The following C12orf42 variants were observed in gnomAD, a reference collection of about 807,000 sequenced individuals.
C12orf42 encodes uncharacterized protein C12orf42.
A neutral mutation model predicts 21.6 loss-of-function variants in C12orf42; 25 were observed. The observed-to-expected ratio is 1.16, with a 90% confidence interval of 0.84 to 1.62. The LOEUF (loss-of-function observed/expected upper bound fraction) is 1.62, where lower values mean the gene tolerates loss of function less well. C12orf42 is among the 40% of genes most tolerant of loss of function. The pLI is 0.00. For missense variants in C12orf42, 483 were observed against 459.3 expected (o/e 1.05, Z -0.47); for synonymous variants, 174 against 175.0 (o/e 0.99, Z 0.05).
chr12:103,231,648 T>C, the C12orf42 span, among the ~76,000 whole-genome samples: 1 of 152,214 alleles, frequency 6.6e-6, no homozygotes, highest in African/African-American at 2.4e-5. Flanking sequence ...AGCTCACATC[T>C]TTTTAGCACT....
chr12:103,424,031 A>T (rs1273221893), intron 2 of C12orf42, among the ~76,000 whole-genome samples: 1 of 152,232 alleles, frequency 6.6e-6, no homozygotes, highest in Non-Finnish European at 1.5e-5. Context: ...TGTGTATTGG[A>T]TGACATTTGG....
chr12:103,059,962 T>G, the C12orf42 span, among the ~76,000 whole-genome samples: 1 of 152,110 alleles, frequency 6.6e-6, no homozygotes, highest in Non-Finnish European at 1.5e-5. Flanking sequence ...TTCAACATAG[T>G]ATTGGAAGTT....
chr12:103,142,681 T>C, the C12orf42 span, among the ~76,000 whole-genome samples: 1 of 152,088 alleles, frequency 6.6e-6, no homozygotes, highest in African/African-American at 2.4e-5. Context: ...GAAAAGGAAA[T>C]GCAGGGGGAT....
At chr12:103,285,963 A>C (rs2036426834) in intron 4 of C12orf42, among the ~76,000 whole-genome samples, 1 of 152,156 alleles carries the variant, frequency 6.6e-6, no homozygotes, top group South Asian at 2.1e-4. Flanking sequence ...TAAATGAATG[A>C]GGCCGGGCGT....
chr12:103,099,254 G>T, the C12orf42 span, among the ~76,000 whole-genome samples: 4 of 152,158 alleles, frequency 2.6e-5, no homozygotes, highest in South Asian at 8.3e-4. Context: ...CAAACACATA[G>T]TTCACTTTTT....
chr12:103,077,878 C>T, the C12orf42 span, among the ~76,000 whole-genome samples: 4 of 152,148 alleles, frequency 2.6e-5, no homozygotes, highest in East Asian at 3.9e-4. Context: ...TAGTTGCCCT[C>T]ATTGGTGACA....
chr12:103,399,969 T>C (rs557347099), intron 3 of C12orf42, among the ~76,000 whole-genome samples: 1 of 152,268 alleles, frequency 6.6e-6, no homozygotes, highest in Non-Finnish European at 1.5e-5. Flanking sequence ...CCATGTATAA[T>C]ATATAATAAA....
chr12:103,275,281 C>A (rs901611794), intron 5 of C12orf42, among the ~76,000 whole-genome samples: 10 of 151,964 alleles, frequency 6.6e-5, no homozygotes, highest in African/African-American at 2.4e-4. Context: ...AAATTGTATA[C>A]AGATGTTTTT....
At chr12:103,256,155 CACACATATATAT>C (rs1285920082) in intron 10 of C12orf42, among the ~76,000 whole-genome samples, 7 of 120,694 alleles carry the variant, frequency 5.8e-5, no homozygotes, top group East Asian at 2.4e-4. Context: ...CGTATATATA[CACACATATATAT>C]ACACATATAT....
the C12orf42 span, among the ~76,000 whole-genome samples, chr12:103,185,170 A>G: frequency 6.6e-6 from 1 of 152,160 alleles, no homozygotes; most frequent in Non-Finnish European, 1.5e-5. Flanking sequence ...GAGGTTTTCT[A>G]TTGTAGACAT....
the C12orf42 span, among the ~76,000 whole-genome samples, chr12:103,161,166 G>A: frequency 1.3e-5 from 2 of 152,138 alleles, no homozygotes; most frequent in Non-Finnish European, 2.9e-5. Context: ...CTAAATCTTA[G>A]AGTTTCTCTT....
At chr12:103,286,253 AAAATAAATAAATAAATAAATAAAT>A (rs200130397) in intron 4 of C12orf42, among the ~76,000 whole-genome samples, 1 of 146,010 alleles carries the variant, frequency 6.8e-6, no homozygotes, top group East Asian at 2.0e-4. Flanking sequence ...TCCATCTCAA[AAAATAAATAAATAAATAAATAAAT>A]AAATAAATAA....
chr12:103,508,286 A>T, the C12orf42 span, among the ~76,000 whole-genome samples: 1 of 152,220 alleles, frequency 6.6e-6, no homozygotes, highest in Non-Finnish European at 1.5e-5. Context: ...CGATCAGCAA[A>T]ATTTAATAAA....
At chr12:103,424,645 T>C (rs543928370) in intron 2 of C12orf42, among the ~76,000 whole-genome samples, 2 of 152,336 alleles carry the variant, frequency 1.3e-5, no homozygotes, top group Admixed American at 1.3e-4. Context: ...TTCCGGATAC[T>C]ATGCTTTTCC....
At chr12:103,247,053 A>T (rs1442366795) in intron 10 of C12orf42, among the ~76,000 whole-genome samples, 1 of 152,044 alleles carries the variant, frequency 6.6e-6, no homozygotes, top group African/African-American at 2.4e-5. Context: ...TAAGAAATGA[A>T]AAAGTTTCAT....
intron 4 of C12orf42, among the ~76,000 whole-genome samples, chr12:103,360,113 T>C (rs1011733627): frequency 1.3e-5 from 2 of 149,620 alleles, no homozygotes; most frequent in Admixed American, 6.6e-5. Context: ...CTGCTAGATA[T>C]GATCAAATTA....
chr12:103,479,625 G>A lies in C12orf42; in HGVS notation c.-21-1178C>T, dbSNP rs576934793. Among the ~76,000 whole-genome samples the A allele has an allele frequency of 1.4e-4, 21 of 152,076 alleles. No homozygotes were observed. The South Asian group carries it at 4.4e-3, about 32-fold the overall frequency. On this transcript the variant is annotated intron_variant, in intron 1 of 5. Transcript: ENST00000548883. ...TAAATTTTTCTTCTATTCCTAGTTT[G>A]TAGAAGTTTTTGGTTTTAAATTAGA... is the stretch of plus-strand genomic sequence containing the variant.
rs560765117 is a variant in C12orf42, at chr12:103,312,659, TG to T, written c.260-6315del. Among the ~76,000 whole-genome samples, 184 of 152,304 alleles carry T rather than the reference TG, an allele frequency of 1.2e-3. 1 individual carries two copies. Among genetic ancestry groups the T allele is most frequent in the African/African-American group, 4.3e-3 (179 of 41,556 alleles). ...CTTGGGGCTTTTTTGGTGTTTTGGT[TG>T]TTAAAAAAATTCTCCCAAATATTCA... On this transcript the variant is annotated intron_variant, in intron 4 of 5. Coordinates refer to ENST00000548883, the MANE Select transcript of C12orf42 (RefSeq NM_198521.5).
chr12:103,302,870 G>T (rs556115282), intron 5 of C12orf42, among the ~76,000 whole-genome samples: 14 of 152,110 alleles, frequency 9.2e-5, no homozygotes, highest in Non-Finnish European at 1.9e-4. Flanking sequence ...CTCCTAAAGA[G>T]AGAGACATAG....
Sources: allele counts gnomAD v4.1 joint callset (sites outside exome capture counted in the v4.1 genomes callset), GRCh38; gene constraint gnomAD v4.1.1; transcripts MANE v1.5; gene names NCBI Gene and HGNC (gene_info 2026-07-23, HGNC 2026-07-21).